Variants in ADARB2 observed in about 807,000 individuals in gnomAD.
ADARB2 encodes adenosine deaminase RNA specific B2 (inactive).
Under a neutral mutation model 62.2 loss-of-function variants are expected in ADARB2, and 25 were observed. The observed-to-expected ratio is 0.40, with a 90% CI of 0.29 to 0.56. ADARB2 has a LOEUF of 0.56. Ranked by LOEUF, ADARB2 falls within the 20% of genes least tolerant of loss-of-function variation. The pLI is 0.43. For synonymous variants in ADARB2, 572 were observed against 500.8 expected (o/e 1.14, Z -1.90); for missense variants, 1,071 against 1,077.4 (o/e 0.99, Z 0.08).
At chr10:1,587,915 C>T (rs1224704639) in intron 1 of ADARB2, among the ~76,000 whole-genome samples, 1 of 152,118 alleles carries the variant, frequency 6.6e-6, no homozygotes, top group Admixed American at 6.5e-5. Flanking sequence ...GTAAGATGTG[C>T]CTTTCATCCT....
At chr10:1,416,710 C>A (rs571871662) in intron 1 of ADARB2, among the ~76,000 whole-genome samples, 2 of 152,268 alleles carry the variant, frequency 1.3e-5, no homozygotes, top group Non-Finnish European at 2.9e-5. Context: ...GGGATGATGG[C>A]AGTCAACCAG....
At chr10:1,721,933 C>G (rs150365833) in intron 1 of ADARB2, among the ~76,000 whole-genome samples, 4 of 152,188 alleles carry the variant, frequency 2.6e-5, no homozygotes, top group Non-Finnish European at 5.9e-5. Flanking sequence ...GAGATTGATA[C>G]TTACTGGCTC....
intron 3 of ADARB2, among the ~76,000 whole-genome samples, chr10:1,326,879 A>AGCGCCTCCCCACGGCC (rs1404112847): frequency 5.1e-5 from 1 of 19,632 alleles, no homozygotes; most frequent in Non-Finnish European, 9.4e-5. Context: ...TCCCCACGGC[A>AGCGCCTCCCCACGGCC]CAGCGCCTCC....
At chr10:1,545,813 T>C (rs1038625771) in intron 1 of ADARB2, among the ~76,000 whole-genome samples, 1 of 152,130 alleles carries the variant, frequency 6.6e-6, no homozygotes, top group Non-Finnish European at 1.5e-5. Flanking sequence ...CACTCTCTAG[T>C]GTTGGGAGCA....
At chr10:1,575,386 A>G (rs1038498902) in intron 1 of ADARB2, among the ~76,000 whole-genome samples, 8 of 152,234 alleles carry the variant, frequency 5.3e-5, no homozygotes, top group Admixed American at 1.3e-4. Context: ...AGGGAAATGC[A>G]TGCTTGTTCT....
At chr10:1,661,713 C>T (rs1015795603) in intron 1 of ADARB2, among the ~76,000 whole-genome samples, 2 of 152,180 alleles carry the variant, frequency 1.3e-5, no homozygotes, top group African/African-American at 4.8e-5. Context: ...TCACACTGCC[C>T]AGGATCCTCT....
chr10:1,672,759 ACACAC>A (rs1399347222), intron 1 of ADARB2, among the ~76,000 whole-genome samples: 44 of 150,226 alleles, frequency 2.9e-4, no homozygotes, highest in Non-Finnish European at 5.5e-4. Context: ...CCCTCCACGC[ACACAC>A]TTCCCCTTCC....
At chr10:1,688,357 C>A (rs1057484925) in intron 1 of ADARB2, among the ~76,000 whole-genome samples, 1 of 152,238 alleles carries the variant, frequency 6.6e-6, no homozygotes, top group Non-Finnish European at 1.5e-5. Context: ...GCTGCCCTGA[C>A]CTCCCCTGCT....
chr10:1,347,933 GAGAT>G (rs1052999133), intron 3 of ADARB2, among the ~76,000 whole-genome samples: 75 of 152,208 alleles, frequency 4.9e-4, no homozygotes, highest in African/African-American at 1.8e-3. Flanking sequence ...CACAGAGACA[GAGAT>G]AGAGAGAGAT....
At chr10:1,720,231 G>A (rs1835073249) in intron 1 of ADARB2, among the ~76,000 whole-genome samples, 2 of 152,184 alleles carry the variant, frequency 1.3e-5, no homozygotes, top group African/African-American at 4.8e-5. Context: ...GCAGCAACAT[G>A]GATGCAGCTA....
chr10:1,528,178 C>G (rs1054887496), intron 1 of ADARB2, among the ~76,000 whole-genome samples: 1 of 152,222 alleles, frequency 6.6e-6, no homozygotes, highest in Non-Finnish European at 1.5e-5. Context: ...GGCCAACACA[C>G]CTGAGCTTAC....
intron 1 of ADARB2, among the ~76,000 whole-genome samples, chr10:1,590,344 G>A (rs140277706): frequency 6.6e-6 from 1 of 152,334 alleles, no homozygotes; most frequent in Non-Finnish European, 1.5e-5. Context: ...CAAGATAATA[G>A]CTCCATATGA....
intron 7 of ADARB2, among the ~76,000 whole-genome samples, chr10:1,208,626 A>G (rs1313143646): frequency 6.6e-6 from 1 of 152,022 alleles, no homozygotes; most frequent in Non-Finnish European, 1.5e-5. Flanking sequence ...CATGGCCTGG[A>G]CCCCCAGTGG....
chr10:1,560,403 AC>A (rs1832769883), intron 1 of ADARB2, among the ~76,000 whole-genome samples: 2 of 152,112 alleles, frequency 1.3e-5, no homozygotes, highest in East Asian at 3.9e-4. Context: ...CATTTCAATG[AC>A]CCTGGTGCAC....
intron 2 of ADARB2, among the ~76,000 whole-genome samples, chr10:1,372,316 G>A (rs1832379540): frequency 1.0e-5 from 1 of 99,652 alleles, no homozygotes; most frequent in Non-Finnish European, 2.9e-5. Context: ...TGAGAAGGGG[G>A]AGGGAGGAAT....
rs149900852 is a variant in ADARB2 at position 1,348,301 on chromosome 10, G to A, written c.1077+14727C>T. ...CCTGTGCTCGTGGAAAGCTGATTCA[G>A]GAAGGGGTCTGGGGAGTCTGGGATG... On this transcript the variant is annotated intron_variant, in intron 3 of 9. Coordinates refer to ENST00000381312, the MANE Select transcript of ADARB2 (RefSeq NM_018702.4). Among the ~76,000 whole-genome samples the A allele has an allele frequency of 4.3e-3, 655 of 152,332 alleles. 8 individuals carry two copies. The highest frequency in any genetic ancestry group is 6.7e-3 in the Non-Finnish European group (454 of 68,026).
At chr10:1,214,197 G>A in intron 7 of ADARB2, among the ~76,000 whole-genome samples, 1 of 152,086 alleles carries the variant, frequency 6.6e-6, no homozygotes, top group East Asian at 1.9e-4. Flanking sequence ...GCGTTGCATG[G>A]GTTTGCACCT....
intron 7 of ADARB2, among the ~76,000 whole-genome samples, chr10:1,206,451 C>T (rs112918919): frequency 7.9e-5 from 12 of 151,778 alleles, no homozygotes; most frequent in African/African-American, 2.9e-4. Flanking sequence ...ACTGGGGCGT[C>T]TCCTCCTCGT....
intron 1 of ADARB2, among the ~76,000 whole-genome samples, chr10:1,403,735 G>A (rs1588245740): frequency 6.6e-6 from 1 of 152,216 alleles, no homozygotes; most frequent in East Asian, 1.9e-4. Flanking sequence ...GCAAGGACAA[G>A]TTCCTCTGTA....
Sources: allele counts gnomAD v4.1 joint callset (sites outside exome capture counted in the v4.1 genomes callset), GRCh38; gene constraint gnomAD v4.1.1; transcripts MANE v1.5; gene names NCBI Gene and HGNC (gene_info 2026-07-23, HGNC 2026-07-21).